Variants in PPP6R1 observed in about 807,000 individuals in gnomAD.
The protein encoded by PPP6R1 is protein phosphatase 6 regulatory subunit 1.
A neutral mutation model predicts 104.6 loss-of-function variants in PPP6R1; 39 were observed. The ratio of observed to expected loss-of-function variants is 0.37; its 90% confidence interval spans 0.29 to 0.49. The LOEUF (loss-of-function observed/expected upper bound fraction) is 0.49, where lower values mean the gene tolerates loss of function less well. Ranked by LOEUF, PPP6R1 falls within the 20% of genes least tolerant of loss-of-function variation. The probability of loss-of-function intolerance (pLI) is 0.98; values close to 1 mark genes in which losing one functional copy is unlikely to be tolerated. For missense variants in PPP6R1, 1,181 were observed against 1,155.8 expected (o/e 1.02, Z -0.32); for synonymous variants, 549 against 479.0 (o/e 1.15, Z -1.91).
In PPP6R1 at chr19:55,247,128, C is replaced by A. The variant is rs768948616; in HGVS notation, c.-6-19G>T. The A allele has an allele frequency of 1.2e-6, 2 of 1,607,246 alleles. No homozygotes were observed. The highest frequency in any genetic ancestry group is 2.2e-5 in the South Asian group (2 of 90,932). Reference sequence around the variant, plus strand: ...TGGCGCCCTGCAGGCATAGACACAACCAGCGCCGCGTCAGACGCCCCAGGG... The same window carrying A: ...TGGCGCCCTGCAGGCATAGACACAAACAGCGCCGCGTCAGACGCCCCAGGG... On this transcript the variant is annotated intron_variant, in intron 1 of 23. Coordinates refer to ENST00000412770, the MANE Select transcript of PPP6R1 (RefSeq NM_014931.4).
chr19:55,237,622 G>A (rs774860312), intron 15 of PPP6R1, among the ~76,000 whole-genome samples: 54 of 152,150 alleles, frequency 3.5e-4, no homozygotes, highest in South Asian at 2.1e-4. Flanking sequence ...ATGGATAAAG[G>A]ACAGTTAATT....
intron 1 of PPP6R1, among the ~76,000 whole-genome samples, chr19:55,250,778 A>G (rs2087546863): frequency 1.3e-5 from 2 of 151,904 alleles, no homozygotes; most frequent in South Asian, 4.2e-4. Flanking sequence ...GACCTCCCCA[A>G]ACATAACCAT....
chr19:55,247,707 G>T (rs2087521859), intron 1 of PPP6R1, among the ~76,000 whole-genome samples: 1 of 152,320 alleles, frequency 6.6e-6, no homozygotes, highest in South Asian at 2.1e-4. Context: ...GCGGCGGCAG[G>T]GGGAAGAGAG....
rs765507073 is a variant in PPP6R1, at chr19:55,245,792, C to A, written c.228-114G>T. 2.9e-4 allele frequency: 254 copies of A among 882,412 alleles called. 1 individual carries two copies. Among genetic ancestry groups the A allele is most frequent in the Middle Eastern group, 6.9e-4 (2 of 2,888 alleles). The allele number at this position is 882,412 out of a possible 1,614,324, so 54.7% of individuals were successfully genotyped here. ...ACTGGGTTTCTGGGAACTGCAGAGA[C>A]CCCTGTCCAGGAAGGGGAAAGGGCA... On this transcript the variant is annotated intron_variant, in intron 2 of 23. Coordinates refer to ENST00000412770, the MANE Select transcript of PPP6R1 (RefSeq NM_014931.4). This position sits in a 1 kb window ranked among gnomAD's most constrained non-coding sequence, Gnocchi z 6.4.
At chr19:55,254,787 C>T (rs970830981) in intron 1 of PPP6R1, among the ~76,000 whole-genome samples, 6 of 152,194 alleles carry the variant, frequency 3.9e-5, no homozygotes, top group East Asian at 3.9e-4. Flanking sequence ...GCCCAGAGTC[C>T]GGAGGACAGC....
chr19:55,256,790 C>A (rs1046422174), intron 1 of PPP6R1, among the ~76,000 whole-genome samples: 6 of 152,216 alleles, frequency 3.9e-5, no homozygotes, highest in African/African-American at 1.4e-4. Context: ...GAGTTCAAGG[C>A]TGGGCAAACG....
chr19:55,243,166 G>A (rs1029883138), intron 5 of PPP6R1, among the ~76,000 whole-genome samples: 2 of 152,126 alleles, frequency 1.3e-5, no homozygotes, highest in African/African-American at 4.8e-5. Flanking sequence ...TGTAATCCCA[G>A]CACTTTGGGA....
Position 55,231,909 on chromosome 19 carries a change from T to C in PPP6R1, c.2199A>G (p.Glu733=). The C allele has an allele frequency of 1.9e-6, 3 of 1,540,584 alleles. No homozygotes were observed. Among genetic ancestry groups the C allele is most frequent in the Middle Eastern group, 1.7e-4 (1 of 5,726 alleles). ...GGGCTGGAGGCCCAGTGTGCAGCTC[T>C]TCCTCCCCGGAGACTCGGGGGCTGG... The part of the protein sequence containing the change: ...APTSPRVSGE[E]ELHTGPPAPQ... The change falls in exon 19 of 24, where the codon GAA becomes GAG. Residue 733 remains glutamate, a synonymous_variant. Transcript: ENST00000412770.
Position 55,241,163 on chromosome 19 carries a change from C to T in PPP6R1, c.1161+76G>A. ...CCTGAGCCCCCAGCCGAGCCCCCAC[C>T]CCAGCCCCCGAACCCTCAGCCCAGT... On this transcript the variant is annotated intron_variant, in intron 9 of 23. Coordinates refer to ENST00000412770, the MANE Select transcript of PPP6R1 (RefSeq NM_014931.4). The surrounding 1 kb of genome is among the most constrained non-coding windows in gnomAD (Gnocchi z 5.4). 1 of 1,495,048 alleles carries T rather than the reference C, an allele frequency of 6.7e-7. No individual in the cohort carries two copies. Among genetic ancestry groups the T allele is most frequent in the Admixed American group, 2.0e-5 (1 of 49,088 alleles). 92.6% of individuals were successfully genotyped at this position (1,495,048 alleles called of 1,614,324 possible).
chr19:55,239,546 C>T, intron 14 of PPP6R1, 44 bp from the exon 15 acceptor site: 4 of 1,609,480 alleles, frequency 2.5e-6, no homozygotes, highest in Non-Finnish European at 3.4e-6. Flanking sequence ...TTGGGCAGGA[C>T]CCCACTCCAG....
chr19:55,229,279 A>G (rs2087314612), downstream of PPP6R1: 1 of 157,004 alleles, frequency 6.4e-6, no homozygotes, highest in Non-Finnish European at 1.4e-5. Flanking sequence ...ACCACCACGA[A>G]TGCGGGGAAC....
chr19:55,239,783 G>A (rs1272546000), intron 13 of PPP6R1, 43 bp downstream of exon 13: 15 of 1,602,970 alleles, frequency 9.4e-6, no homozygotes, highest in East Asian at 2.2e-5. Context: ...GCCCAAGAGA[G>A]AGAAGCAGCA....
rs369805999 is a variant in PPP6R1 at position 55,231,589 on chromosome 19, G to A, written c.2377+9C>T. The A allele has an allele frequency of 1.5e-4, 240 of 1,609,380 alleles. 1 individual carries two copies. Among genetic ancestry groups the A allele is most frequent in the Middle Eastern group, 8.4e-4 (5 of 5,974 alleles). On this transcript the variant is annotated intron_variant, in intron 20 of 23. Coordinates refer to ENST00000412770, the MANE Select transcript of PPP6R1 (RefSeq NM_014931.4). ...GGGCCGCGGGTGGGCAGGGCAAAGC[G>A]GGGCTCACCTGAGGGCTCCGTGACT... is the stretch of plus-strand genomic sequence containing the variant.
intron 17 of PPP6R1, among the ~76,000 whole-genome samples, chr19:55,235,930 C>T (rs2087394980): frequency 6.6e-6 from 1 of 150,968 alleles, no homozygotes; most frequent in South Asian, 2.1e-4. Flanking sequence ...CCTCCGCCCC[C>T]CAGGGTAAAG....
chr19:55,250,686 A>G (rs1044034827), intron 1 of PPP6R1, among the ~76,000 whole-genome samples: 2 of 152,090 alleles, frequency 1.3e-5, no homozygotes, highest in African/African-American at 4.8e-5. Flanking sequence ...CAGTTCGGCC[A>G]GAGGCCTGAG....
At chr19:55,233,642 T>C (rs897864105) in intron 17 of PPP6R1, among the ~76,000 whole-genome samples, 1 of 152,252 alleles carries the variant, frequency 6.6e-6, no homozygotes, top group African/African-American at 2.4e-5. Flanking sequence ...TATTTTCATA[T>C]ACTTGTAACA....
intron 1 of PPP6R1, among the ~76,000 whole-genome samples, chr19:55,258,033 A>T (rs1220171367): frequency 6.6e-6 from 1 of 152,218 alleles, no homozygotes; most frequent in Admixed American, 6.5e-5. Flanking sequence ...GGCGGGGCAG[A>T]GATCGGGGCG....
In PPP6R1 at chr19:55,236,623, G is replaced by A. The variant is rs1327652627; in HGVS notation, c.1988+20C>T. Reference sequence around the variant, plus strand: ...CCGTGTGGTGGAAGCTTGGAGAAGGGAAACTGGAGGGGGACTCACCGGACA... The same window carrying A: ...CCGTGTGGTGGAAGCTTGGAGAAGGAAAACTGGAGGGGGACTCACCGGACA... On this transcript the variant is annotated intron_variant, in intron 17 of 23. Coordinates refer to ENST00000412770, the MANE Select transcript of PPP6R1 (RefSeq NM_014931.4). 8.0e-6 allele frequency: 12 copies of A among 1,506,734 alleles called. No individual in the cohort carries two copies. The highest frequency in any genetic ancestry group is 1.4e-5 in the African/African-American group (1 of 71,704). 93.3% of individuals were successfully genotyped at this position (1,506,734 alleles called of 1,614,324 possible). A position where few individuals can be genotyped will look rare whatever the true frequency, so the allele number is the denominator to read the frequency against.
At chr19:55,231,244 A>T (rs1046443379) in intron 21 of PPP6R1, among the ~76,000 whole-genome samples, 166 bp downstream of exon 21, 2 of 152,116 alleles carry the variant, frequency 1.3e-5, no homozygotes, top group African/African-American at 4.8e-5. Context: ...TAAGAGAAGA[A>T]CCAGCCTACA....
Sources: gnomAD v4.1 joint callset for allele counts (sites outside exome capture counted in the v4.1 genomes callset) on GRCh38, gnomAD v4.1.1 for gene constraint, Gnocchi (gnomAD v3.1) non-coding constraint, MANE v1.5 for transcripts, NCBI Gene and HGNC (gene_info 2026-07-23, HGNC 2026-07-21) for gene names.